SLIT3: variants seen among roughly 807,000 people sequenced by gnomAD.
SLIT3 encodes slit homolog 3 protein.
In SLIT3, 68 loss-of-function variants were observed where a neutral mutation model predicts 184.0. That is an observed-to-expected ratio of 0.37 (90% CI 0.30 to 0.45). SLIT3 has a LOEUF of 0.45. Ranked by LOEUF, SLIT3 falls within the 20% of genes least tolerant of loss-of-function variation. The pLI is 1.00. For missense variants in SLIT3, 1,707 were observed against 2,026.0 expected, an observed-to-expected ratio of 0.84 and a Z score of 3.02; for synonymous variants, 831 against 828.6, an observed-to-expected ratio of 1.00 and a Z score of -0.05.
intron 4 of SLIT3, among the ~76,000 whole-genome samples, chr5:168,926,883 C>A (rs1014231589): frequency 2.6e-5 from 4 of 151,988 alleles, no homozygotes; most frequent in Non-Finnish European, 4.4e-5. Flanking sequence ...CAAGTGTTGT[C>A]AAGGATGCAG....
At chr5:168,748,526 AAGTTGTCCCCTG>A in intron 19 of SLIT3, 92 bp from the exon 20 acceptor site, 1 of 1,283,992 alleles carries the variant, frequency 7.8e-7, no homozygotes, top group Middle Eastern at 2.7e-4. Flanking sequence ...CCACAAAGAC[AAGTTGTCCCCTG>A]TCCCCGCTGT....
chr5:168,866,130 C>T (rs544885881), intron 5 of SLIT3, among the ~76,000 whole-genome samples: 1 of 152,260 alleles, frequency 6.6e-6, no homozygotes, highest in South Asian at 2.1e-4. Flanking sequence ...GGACAGATGG[C>T]AGCCAGCTCG....
At chr5:169,007,905 C>T (rs1407099861) in intron 4 of SLIT3, among the ~76,000 whole-genome samples, 1 of 152,206 alleles carries the variant, frequency 6.6e-6, no homozygotes, top group Admixed American at 6.5e-5. Context: ...TTTCCTTTTC[C>T]CTGTTGCCTT....
chr5:169,263,059 G>A (rs1332267144), intron 1 of SLIT3, among the ~76,000 whole-genome samples: 1 of 152,178 alleles, frequency 6.6e-6, no homozygotes, highest in Admixed American at 6.5e-5. Context: ...GAGGAGACAG[G>A]GCTGAGCAAA....
chr5:168,685,665 G>C, intron 31 of SLIT3, 22 bp downstream of exon 31: 4 of 1,518,496 alleles, frequency 2.6e-6, no homozygotes, highest in Non-Finnish European at 3.5e-6. Flanking sequence ...TCCTTCCAAG[G>C]GCAGGGCAGG....
At chr5:169,218,489 T>C (rs1764517662) in intron 3 of SLIT3, among the ~76,000 whole-genome samples, 1 of 152,246 alleles carries the variant, frequency 6.6e-6, no homozygotes, top group Admixed American at 6.5e-5. Context: ...TGATTCTGAC[T>C]CTGCCTGTCA....
Position 169,193,534 on chromosome 5 carries a change from T to C in SLIT3, c.358A>G (p.Lys120Glu), listed in dbSNP as rs376994386. The change falls in exon 4 of 36, where the codon AAG becomes GAG. Residue 120 changes from lysine to glutamate, a missense_variant. Physicochemically the swap from Lys to Glu is moderately conservative, Grantham distance 56 (BLOSUM62 1). Transcript: ENST00000519560. ...QLERLRLNKN[K>E]LQVLPELLFQ... ...AGCAATTCTGGAAGGACTTGCAGCT[T>C]ATTCTTGTTCAGGCGCCTAAAGAGG... 118 of 1,614,080 alleles carry C rather than the reference T, an allele frequency of 7.3e-5. No homozygotes were observed. In the Middle Eastern group the frequency reaches 8.2e-4, roughly 11 times the overall value.
chr5:168,875,156 AGAGG>A (rs1229107374), intron 5 of SLIT3, among the ~76,000 whole-genome samples: 1 of 135,786 alleles, frequency 7.4e-6, no homozygotes, highest in Non-Finnish European at 1.6e-5. Flanking sequence ...AGGAGGGAAG[AGAGG>A]GAAAGAGGAA....
intron 4 of SLIT3, among the ~76,000 whole-genome samples, chr5:169,192,412 G>A (rs1261364265): frequency 7.0e-6 from 1 of 142,268 alleles, no homozygotes; most frequent in Non-Finnish European, 1.5e-5. Flanking sequence ...ATAAATTTAT[G>A]TATATAGTCT....
At chr5:168,786,416 C>T (rs934124699) in intron 11 of SLIT3, among the ~76,000 whole-genome samples, 4 of 152,290 alleles carry the variant, frequency 2.6e-5, no homozygotes, top group South Asian at 2.1e-4. Context: ...CTTAGGAATT[C>T]CTAAGCTGAG....
chr5:169,129,539 G>A (rs1005670905), intron 4 of SLIT3, among the ~76,000 whole-genome samples: 8 of 152,004 alleles, frequency 5.3e-5, no homozygotes, highest in Admixed American at 1.3e-4. Flanking sequence ...GCAATAGAGC[G>A]AGACTCAGTC....
chr5:168,777,105 A>ACC (rs66712485), intron 12 of SLIT3, among the ~76,000 whole-genome samples: 4 of 4,980 alleles, frequency 8.0e-4, no homozygotes, highest in Non-Finnish European at 1.7e-3. Flanking sequence ...ACACACACAC[A>ACC]CCCCCCATAC....
intron 1 of SLIT3, among the ~76,000 whole-genome samples, chr5:169,288,783 G>T (rs1316956270): frequency 6.6e-6 from 1 of 152,192 alleles, no homozygotes; most frequent in East Asian, 1.9e-4. Flanking sequence ...CTGCTGACAT[G>T]GCTGGTATGA....
At chr5:168,922,816 C>T (rs1761682978) in intron 4 of SLIT3, among the ~76,000 whole-genome samples, 1 of 151,976 alleles carries the variant, frequency 6.6e-6, no homozygotes, top group Admixed American at 6.6e-5. Context: ...GAGGGCTCAG[C>T]TAGGGCCAGG....
At position 169,200,837 on chromosome 5, in the gene SLIT3, G is replaced by C. The variant is rs1763886866; in HGVS notation, c.342-7287C>G. Among the ~76,000 whole-genome samples the C allele has an allele frequency of 1.3e-5, 2 of 152,214 alleles. 1 individual carries two copies. Among genetic ancestry groups the C allele is most frequent in the Middle Eastern group, 6.8e-3 (2 of 294 alleles). On this transcript the variant is annotated intron_variant, in intron 3 of 35. Coordinates refer to ENST00000519560, the MANE Select transcript of SLIT3 (RefSeq NM_003062.4). ...ATGCAAATTTTCATAATGCAAACTG[G>C]ATGTAATCTGAGCAATTCAGCAAGG...
chr5:169,161,351 C>T (rs1457788602), intron 4 of SLIT3, among the ~76,000 whole-genome samples: 2 of 152,202 alleles, frequency 1.3e-5, no homozygotes, highest in Non-Finnish European at 2.9e-5. Context: ...CTATTTGCTC[C>T]CCTCCCACCC....
At chr5:169,209,435 C>G (rs576906320) in intron 3 of SLIT3, among the ~76,000 whole-genome samples, 150 of 152,282 alleles carry the variant, frequency 9.9e-4, no homozygotes, top group Non-Finnish European at 1.6e-3. Context: ...TTAGCAATCC[C>G]ATTACTGAGT....
chr5:169,056,597 A>T (rs1247692990), intron 4 of SLIT3, among the ~76,000 whole-genome samples: 1 of 115,238 alleles, frequency 8.7e-6, no homozygotes, highest in Non-Finnish European at 1.8e-5. Context: ...GCGATCTCTT[A>T]AAAAAAAAAA....
chr5:168,974,888 A>G (rs997982620), intron 4 of SLIT3, among the ~76,000 whole-genome samples: 1 of 152,158 alleles, frequency 6.6e-6, no homozygotes, highest in Non-Finnish European at 1.5e-5. Flanking sequence ...ACATATTAGC[A>G]CACCCCGGAG....
Sources: allele counts gnomAD v4.1 joint callset (sites outside exome capture counted in the v4.1 genomes callset), GRCh38; gene constraint gnomAD v4.1.1; transcripts MANE v1.5; gene names NCBI Gene and HGNC (gene_info 2026-07-23, HGNC 2026-07-21).